HMGCLL1: variants seen among roughly 807,000 people sequenced by gnomAD.
HMGCLL1 encodes the protein 3-hydroxymethyl-3-methylglutaryl-CoA lyase, cytoplasmic.
In HMGCLL1, 36 loss-of-function variants were observed where a neutral mutation model predicts 39.1. That is an observed-to-expected ratio of 0.92 (90% CI 0.71 to 1.22). HMGCLL1 has a LOEUF of 1.22. Ranked by LOEUF, HMGCLL1 falls within the 50% of genes most tolerant of loss-of-function variation. The pLI, the probability that HMGCLL1 is intolerant of heterozygous loss-of-function variation, is 0.00. For synonymous variants in HMGCLL1, 149 were observed against 144.0 expected (o/e 1.03, Z -0.25); for missense variants, 451 against 416.5 (o/e 1.08, Z -0.72).
upstream of HMGCLL1, among the ~76,000 whole-genome samples, chr6:55,580,567 C>T (rs1771964069): frequency 6.6e-6 from 1 of 151,886 alleles, no homozygotes; most frequent in Non-Finnish European, 1.5e-5. Flanking sequence ...AGGCGCCGGC[C>T]GCCACGCCAG....
chr6:55,627,827 GACAGCT>G, the HMGCLL1 span, among the ~76,000 whole-genome samples: 3 of 124,870 alleles, frequency 2.4e-5, no homozygotes, highest in African/African-American at 9.2e-5. Flanking sequence ...TCAGATTGCA[GACAGCT>G]TATTGTGGGA....
the HMGCLL1 span, among the ~76,000 whole-genome samples, chr6:55,614,082 A>G: frequency 1.3e-5 from 2 of 152,052 alleles, no homozygotes; most frequent in African/African-American, 4.8e-5. Context: ...CCTTCATATG[A>G]TTTTTCTATT....
At chr6:55,646,727 G>A in the HMGCLL1 span, among the ~76,000 whole-genome samples, 1 of 151,782 alleles carries the variant, frequency 6.6e-6, no homozygotes, top group Admixed American at 6.6e-5. Context: ...TTATTGATTT[G>A]TAGATTTATT....
the HMGCLL1 span, among the ~76,000 whole-genome samples, chr6:55,588,199 A>C: frequency 6.6e-6 from 1 of 152,170 alleles, no homozygotes; most frequent in Non-Finnish European, 1.5e-5. Flanking sequence ...ATTATAACAA[A>C]CTGTCTCTCA....
chr6:55,551,470 T>C (rs1561957071), intron 1 of HMGCLL1, among the ~76,000 whole-genome samples: 1 of 151,814 alleles, frequency 6.6e-6, no homozygotes, highest in African/African-American at 2.4e-5. Context: ...GAAGGGCAAG[T>C]AGAAGCTTCT....
the HMGCLL1 span, among the ~76,000 whole-genome samples, chr6:55,656,100 C>T: frequency 4.0e-5 from 6 of 151,880 alleles, no homozygotes; most frequent in East Asian, 1.9e-4. Flanking sequence ...AACTTCCTAT[C>T]GGGAATTTTT....
At chr6:55,666,704 C>G in the HMGCLL1 span, among the ~76,000 whole-genome samples, 1 of 151,626 alleles carries the variant, frequency 6.6e-6, no homozygotes, top group African/African-American at 2.4e-5. Flanking sequence ...TCTGAGCTAT[C>G]ATCTTAAATG....
At chr6:55,668,804 C>T in the HMGCLL1 span, among the ~76,000 whole-genome samples, 3 of 151,662 alleles carry the variant, frequency 2.0e-5, no homozygotes, top group East Asian at 5.8e-4. Context: ...TTTCATTTTT[C>T]CTGTATTCGC....
chr6:55,467,099 T>C (rs1432271770), intron 7 of HMGCLL1, among the ~76,000 whole-genome samples: 1 of 152,054 alleles, frequency 6.6e-6, no homozygotes, highest in East Asian at 1.9e-4. Context: ...CATAATGTCT[T>C]TTTGCCTGGA....
chr6:55,655,781 C>A, the HMGCLL1 span, among the ~76,000 whole-genome samples: 2 of 151,946 alleles, frequency 1.3e-5, no homozygotes, highest in Non-Finnish European at 2.9e-5. Context: ...TATTGAATTG[C>A]TTTTAATTGT....
the HMGCLL1 span, among the ~76,000 whole-genome samples, chr6:55,650,080 C>CAT: frequency 6.4e-5 from 4 of 62,026 alleles, no homozygotes; most frequent in Non-Finnish European, 9.9e-5. Flanking sequence ...TATATATACA[C>CAT]ACACATATAC....
chr6:55,503,167 T>C (rs1212462587), intron 5 of HMGCLL1, among the ~76,000 whole-genome samples: 3 of 151,854 alleles, frequency 2.0e-5, no homozygotes, highest in African/African-American at 7.2e-5. Flanking sequence ...CCCTGTGGAA[T>C]TTATCAATTA....
At chr6:55,489,816 T>C (rs1447622506) in intron 7 of HMGCLL1, among the ~76,000 whole-genome samples, 2 of 152,128 alleles carry the variant, frequency 1.3e-5, no homozygotes, top group Non-Finnish European at 2.9e-5. Context: ...ATTAACTATA[T>C]TTGTTTTGAA....
chr6:55,527,240 T>C (rs1208939317), intron 3 of HMGCLL1, among the ~76,000 whole-genome samples: 8 of 152,100 alleles, frequency 5.3e-5, no homozygotes, highest in Non-Finnish European at 1.2e-4. Flanking sequence ...TTTTATCATC[T>C]AGCCCAATAT....
At chr6:55,445,610 T>C (rs1763792167) in intron 7 of HMGCLL1, among the ~76,000 whole-genome samples, 1 of 152,040 alleles carries the variant, frequency 6.6e-6, no homozygotes, top group African/African-American at 2.4e-5. Context: ...TTTCTCTCCT[T>C]TTCAAGCACA....
chr6:55,617,446 A>T, the HMGCLL1 span, among the ~76,000 whole-genome samples: 1 of 152,074 alleles, frequency 6.6e-6, no homozygotes, highest in African/African-American at 2.4e-5. Flanking sequence ...CAACCTATAG[A>T]CCACTTTGTC....
intron 3 of HMGCLL1, among the ~76,000 whole-genome samples, chr6:55,517,677 T>C (rs1327950136): frequency 6.6e-6 from 1 of 151,952 alleles, no homozygotes; most frequent in African/African-American, 2.4e-5. Flanking sequence ...AAAAATATTA[T>C]AATATTAAAT....
chr6:55,562,951 T>C (rs1002209648), intron 1 of HMGCLL1, among the ~76,000 whole-genome samples: 3 of 152,048 alleles, frequency 2.0e-5, no homozygotes, highest in African/African-American at 4.8e-5. Flanking sequence ...TTTGATATAC[T>C]ACCATTTACC....
At chr6:55,512,967 T>C (rs552801811) in intron 5 of HMGCLL1, 2 of 152,194 alleles carry the variant, frequency 1.3e-5, no homozygotes, top group South Asian at 4.1e-4. Flanking sequence ...CACACAAAAA[T>C]GCATTATAGG....
Sources: gnomAD v4.1 joint callset for allele counts (sites outside exome capture counted in the v4.1 genomes callset) on GRCh38, gnomAD v4.1.1 for gene constraint, MANE v1.5 for transcripts, NCBI Gene and HGNC (gene_info 2026-07-23, HGNC 2026-07-21) for gene names.